The following FANCL variants were observed in gnomAD, a reference collection of about 807,000 sequenced individuals.
FANCL encodes E3 ubiquitin-protein ligase FANCL.
In FANCL, 69 loss-of-function variants were observed where a neutral mutation model predicts 59.4. That is an observed-to-expected ratio of 1.16 (90% CI 0.96 to 1.42). FANCL has a LOEUF of 1.42. Among genes scored for constraint, FANCL ranks in the 40% most tolerant of loss-of-function variants. The pLI is 0.00. For missense variants in FANCL, 519 were observed against 447.2 expected (o/e 1.16, Z -1.45); for synonymous variants, 180 against 147.1 (o/e 1.22, Z -1.62).
intron 7 of FANCL, among the ~76,000 whole-genome samples, chr2:58,174,542 G>T (rs1016964664): frequency 6.6e-6 from 1 of 151,928 alleles, no homozygotes; most frequent in Non-Finnish European, 1.5e-5. Flanking sequence ...ATGACTACTG[G>T]GTACATAACA....
chr2:58,234,511 C>T (rs1325728159), intron 1 of FANCL, among the ~76,000 whole-genome samples: 1 of 151,328 alleles, frequency 6.6e-6, no homozygotes, highest in Non-Finnish European at 1.5e-5. Flanking sequence ...AAGTGGAACA[C>T]AGACCCAAAA....
intron 5 of FANCL, among the ~76,000 whole-genome samples, chr2:58,217,295 G>A (rs998503268): frequency 2.1e-5 from 3 of 145,598 alleles, no homozygotes; most frequent in Non-Finnish European, 4.5e-5. Flanking sequence ...TAGTTCTGGA[G>A]GCCAGGGGTT....
At position 58,162,848 on chromosome 2, in the gene FANCL, AAC is replaced by A. The variant is rs1435962607; in HGVS notation, c.903+16_903+17del. 4 of 1,599,590 alleles carry A rather than the reference AAC, an allele frequency of 2.5e-6. No individual in the cohort carries two copies. The African/African-American group carries it at 5.4e-5, about 21-fold the overall frequency. ...TATGCAATACTGTCTGGAATATCAA[AAC>A]ACTGATAAAACTTACAGATTTTTCC... is the stretch of plus-strand genomic sequence containing the variant. On this transcript the variant is annotated intron_variant, in intron 11 of 13. Coordinates refer to ENST00000233741, the MANE Select transcript of FANCL (RefSeq NM_018062.4).
chr2:58,222,457 T>C (rs1405896486), intron 4 of FANCL, among the ~76,000 whole-genome samples: 6 of 152,102 alleles, frequency 3.9e-5, no homozygotes, highest in African/African-American at 7.2e-5. Flanking sequence ...TAAACTGACA[T>C]ATTTGTATAC....
In FANCL at chr2:58,204,149, G is replaced by A. The variant is rs1270029484; in HGVS notation, c.452C>T (p.Thr151Ile). 3 of 1,612,916 alleles carry A rather than the reference G, an allele frequency of 1.9e-6. No homozygotes were observed. The Admixed American group carries it at 5.0e-5, about 27-fold the overall frequency. Residue 151 changes from threonine to isoleucine, a missense_variant, in exon 6 of 14, where the codon ACT becomes ATT. By Grantham distance (89) the Thr-to-Ile change is moderately conservative. Transcript: ENST00000233741. ...ACATACCTTTGCCTTCAACTTGAGA[G>A]TGATTAAATGCTCTCTACCAGAAGC... ...EDASGREHLI[T>I]LKLKAKYPAE...
At chr2:58,203,248 A>C (rs1052087159) in intron 6 of FANCL, among the ~76,000 whole-genome samples, 4 of 151,906 alleles carry the variant, frequency 2.6e-5, no homozygotes, top group Non-Finnish European at 4.4e-5. Flanking sequence ...CCACTATAAG[A>C]TATCAACTTT....
At chr2:58,163,980 G>A (rs950616288) in intron 8 of FANCL, among the ~76,000 whole-genome samples, 10 of 151,854 alleles carry the variant, frequency 6.6e-5, no homozygotes, top group African/African-American at 2.2e-4. Flanking sequence ...AAAGATTCAA[G>A]TTTTATAAAA....
chr2:58,230,647 T>C (rs576848690), intron 2 of FANCL, among the ~76,000 whole-genome samples: 2 of 152,274 alleles, frequency 1.3e-5, no homozygotes, highest in South Asian at 4.1e-4. Flanking sequence ...TTTCAAACTG[T>C]CACAACTCTC....
At chr2:58,218,013 A>C (rs1692021322) in intron 5 of FANCL, among the ~76,000 whole-genome samples, 1 of 152,130 alleles carries the variant, frequency 6.6e-6, no homozygotes, top group African/African-American at 2.4e-5. Context: ...TTCTGACAAA[A>C]GTAGACTTAA....
At chr2:58,224,525 C>T (rs554050310) in intron 4 of FANCL, among the ~76,000 whole-genome samples, 2 of 151,772 alleles carry the variant, frequency 1.3e-5, no homozygotes, top group Admixed American at 6.6e-5. Context: ...AAAGTCCTAC[C>T]TTAGAAGGTT....
chr2:58,219,593 A>T (rs1349796148), intron 5 of FANCL, among the ~76,000 whole-genome samples: 3 of 152,060 alleles, frequency 2.0e-5, no homozygotes, highest in Admixed American at 6.6e-5. Flanking sequence ...ATCAAGATCA[A>T]CAGTGATGAG....
intron 11 of FANCL, among the ~76,000 whole-genome samples, chr2:58,162,411 A>C (rs1685323416): frequency 6.6e-6 from 1 of 151,960 alleles, no homozygotes; most frequent in East Asian, 1.9e-4. Flanking sequence ...GTCATTAATG[A>C]CGTCACTACT....
chr2:58,189,319 G>C (rs925732928), intron 7 of FANCL, among the ~76,000 whole-genome samples: 1 of 122,128 alleles, frequency 8.2e-6, no homozygotes, highest in African/African-American at 3.1e-5. Flanking sequence ...GAACAGTAAT[G>C]GATCTACACA....
chr2:58,167,078 G>A (rs1686027866), intron 7 of FANCL, among the ~76,000 whole-genome samples: 1 of 152,212 alleles, frequency 6.6e-6, no homozygotes, highest in African/African-American at 2.4e-5. Context: ...TGGGCGTAGT[G>A]GCACGCGCCC....
chr2:58,237,777 G>A (rs1319100793), intron 1 of FANCL, among the ~76,000 whole-genome samples: 1 of 152,118 alleles, frequency 6.6e-6, no homozygotes, highest in Admixed American at 6.5e-5. Flanking sequence ...AGGAGTTGGT[G>A]CCTAATTTCC....
intron 5 of FANCL, among the ~76,000 whole-genome samples, chr2:58,213,869 AC>A (rs1691433550): frequency 6.6e-6 from 1 of 152,202 alleles, no homozygotes; most frequent in South Asian, 2.1e-4. Flanking sequence ...GTGGTAAGAT[AC>A]TTTTTATTAG....
At chr2:58,165,588 A>T in intron 8 of FANCL, 136 bp downstream of exon 8, 1 of 1,064,826 alleles carries the variant, frequency 9.4e-7, no homozygotes, top group Non-Finnish European at 1.4e-6. Flanking sequence ...GTGTAGCCAA[A>T]AAAAAGTTTA....
At chr2:58,206,686 C>T (rs1435116599) in intron 5 of FANCL, among the ~76,000 whole-genome samples, 1 of 152,126 alleles carries the variant, frequency 6.6e-6, no homozygotes, top group Non-Finnish European at 1.5e-5. Context: ...AGAGGTAATA[C>T]ACTACAGAAA....
intron 7 of FANCL, among the ~76,000 whole-genome samples, chr2:58,175,396 G>T (rs1174050497): frequency 6.7e-6 from 1 of 150,356 alleles, no homozygotes; most frequent in African/African-American, 2.5e-5. Context: ...TAAAATACTG[G>T]CAAACAAAAT....
Sources: gnomAD v4.1 joint callset for allele counts (sites outside exome capture counted in the v4.1 genomes callset) on GRCh38, gnomAD v4.1.1 for gene constraint, MANE v1.5 for transcripts, NCBI Gene and HGNC (gene_info 2026-07-23, HGNC 2026-07-21) for gene names.